The following KCNIP4 variants were observed in gnomAD, a reference collection of about 807,000 sequenced individuals.
KCNIP4 encodes the protein Kv channel-interacting protein 4.
A neutral mutation model predicts 34.0 loss-of-function variants in KCNIP4; 12 were observed. The ratio of observed to expected loss-of-function variants is 0.35; its 90% CI spans 0.23 to 0.57. KCNIP4 has a LOEUF of 0.57. Among genes scored for constraint, KCNIP4 ranks in the 20% least tolerant of loss-of-function variants. The probability of loss-of-function intolerance (pLI) is 0.83; values close to 1 mark genes in which losing one functional copy is unlikely to be tolerated. For synonymous variants in KCNIP4, 124 were observed against 102.2 expected (o/e 1.21, Z -1.29); for missense variants, 238 against 311.7 (o/e 0.76, Z 1.78).
chr4:21,391,804 C>T (rs1315495225), intron 1 of KCNIP4, among the ~76,000 whole-genome samples: 1 of 152,180 alleles, frequency 6.6e-6, no homozygotes, highest in East Asian at 1.9e-4. Flanking sequence ...TCCTTTCCCT[C>T]TTCAGCACAC....
chr4:20,827,315 G>T (rs73242508), intron 3 of KCNIP4, among the ~76,000 whole-genome samples: 10,236 of 152,186 alleles, frequency 0.067, 466 homozygotes, highest in Non-Finnish European at 0.1. Context: ...GCAAGGCATG[G>T]ACGGGATTGC....
chr4:21,294,648 T>C (rs1489386940), intron 1 of KCNIP4, among the ~76,000 whole-genome samples: 1 of 152,200 alleles, frequency 6.6e-6, no homozygotes, highest in Admixed American at 6.5e-5. Flanking sequence ...ATGATCACTC[T>C]ATTATAGATA....
intron 1 of KCNIP4, among the ~76,000 whole-genome samples, chr4:21,107,421 C>T (rs1251817357): frequency 1.1e-4 from 17 of 150,798 alleles, no homozygotes; most frequent in African/African-American, 3.5e-4. Flanking sequence ...GGATTGCAAC[C>T]CCTGCCTTTT....
intron 1 of KCNIP4, among the ~76,000 whole-genome samples, chr4:21,689,140 G>C (rs994095236): frequency 2.0e-5 from 3 of 152,054 alleles, no homozygotes; most frequent in Non-Finnish European, 4.4e-5. Context: ...ATAAATGTTG[G>C]TTGAATGAAT....
At chr4:21,633,364 T>C (rs1745897526) in intron 1 of KCNIP4, among the ~76,000 whole-genome samples, 1 of 152,134 alleles carries the variant, frequency 6.6e-6, no homozygotes, top group Non-Finnish European at 1.5e-5. Context: ...CAGTTCTAGT[T>C]GATGGGATGT....
rs1417799608 is a variant in KCNIP4, at chr4:21,112,901, A to G, written c.62-230192T>C. Among the ~76,000 whole-genome samples the G allele has an allele frequency of 2.0e-5, 3 of 151,858 alleles. 1 individual carries two copies. The highest frequency in any genetic ancestry group is 7.3e-5 in the African/African-American group (3 of 41,330). ...AGCCAGGGAGGAAAAATCCAGTCTC[A>G]TCCCACTGATATTAAGATAGCCAAC... On this transcript the variant is annotated intron_variant, in intron 1 of 8. Coordinates refer to ENST00000382152, the MANE Select transcript of KCNIP4 (RefSeq NM_025221.6).
intron 2 of KCNIP4, among the ~76,000 whole-genome samples, chr4:20,852,098 G>C (rs1412371613): frequency 6.6e-6 from 1 of 152,116 alleles, no homozygotes; most frequent in Non-Finnish European, 1.5e-5. Context: ...TAAGGAGATA[G>C]AGAAAGAAGG....
At chr4:21,009,549 A>G (rs567894677) in intron 1 of KCNIP4, among the ~76,000 whole-genome samples, 6 of 152,134 alleles carry the variant, frequency 3.9e-5, no homozygotes. Flanking sequence ...AGCCTGTCTC[A>G]TGATTTCCTT....
chr4:21,039,652 C>G (rs10049543), intron 1 of KCNIP4, among the ~76,000 whole-genome samples: 2,851 of 152,228 alleles, frequency 0.019, 93 homozygotes, highest in African/African-American at 0.065. Flanking sequence ...TGTGACAATG[C>G]AGAGTGACAT....
intron 1 of KCNIP4, among the ~76,000 whole-genome samples, chr4:21,135,133 T>C (rs1167881099): frequency 6.6e-6 from 1 of 152,206 alleles, no homozygotes; most frequent in African/African-American, 2.4e-5. Context: ...AAAATGGACA[T>C]TTTAGAAAAG....
intron 1 of KCNIP4, among the ~76,000 whole-genome samples, chr4:21,553,148 G>T (rs543235341): frequency 4.1e-4 from 44 of 107,212 alleles, no homozygotes; most frequent in African/African-American, 1.4e-3. Context: ...TAAAGGGGGG[G>T]GTCATAAAAG....
chr4:21,566,728 G>A (rs2109043037), intron 1 of KCNIP4, among the ~76,000 whole-genome samples: 1 of 152,232 alleles, frequency 6.6e-6, no homozygotes, highest in East Asian at 1.9e-4. Context: ...AGAGACATTT[G>A]GGAGTAAGAA....
At chr4:21,232,544 G>A (rs1758873643) in intron 1 of KCNIP4, among the ~76,000 whole-genome samples, 1 of 152,082 alleles carries the variant, frequency 6.6e-6, no homozygotes, top group African/African-American at 2.4e-5. Context: ...TATCAATTAT[G>A]AACAAAATAT....
rs1053734916 is a variant in KCNIP4 at position 21,384,671 on chromosome 4, C to T, written c.62-501962G>A. 1.4e-4 allele frequency among the ~76,000 whole-genome samples: 22 copies of T among 152,156 alleles called. 1 individual carries two copies. The highest frequency in any genetic ancestry group is 3.2e-3 in the Middle Eastern group (1 of 316). Reference sequence around the variant, plus strand: ...TGAATCAGAAAGGACAGAATTGATCCAGAGAATTTGCCCCAGAGAATTTGC... The same window carrying T: ...TGAATCAGAAAGGACAGAATTGATCTAGAGAATTTGCCCCAGAGAATTTGC... On this transcript the variant is annotated intron_variant, in intron 1 of 8. Transcript: ENST00000382152.
At chr4:21,283,594 T>C (rs1054717970) in intron 1 of KCNIP4, among the ~76,000 whole-genome samples, 1 of 140,812 alleles carries the variant, frequency 7.1e-6, no homozygotes, top group Non-Finnish European at 1.5e-5. Flanking sequence ...AACTAGTCCA[T>C]GTGAAAATAA....
At chr4:20,956,596 T>C (rs183855294) in intron 1 of KCNIP4, among the ~76,000 whole-genome samples, 1 of 152,086 alleles carries the variant, frequency 6.6e-6, no homozygotes, top group Admixed American at 6.6e-5. Context: ...TGTTCAAAAA[T>C]GTACTCACTG....
intron 1 of KCNIP4, among the ~76,000 whole-genome samples, chr4:21,418,970 G>A (rs929433858): frequency 6.6e-6 from 1 of 152,212 alleles, no homozygotes; most frequent in Non-Finnish European, 1.5e-5. Flanking sequence ...TCAAGGACCA[G>A]TCAAGGAATA....
intron 3 of KCNIP4, among the ~76,000 whole-genome samples, chr4:20,761,675 A>G (rs1404649657): frequency 2.0e-5 from 3 of 152,148 alleles, no homozygotes; most frequent in Non-Finnish European, 2.9e-5. Context: ...CTCTGCATCA[A>G]CAAATTTGTT....
At chr4:21,861,046 G>A (rs1725045789) in intron 1 of KCNIP4, among the ~76,000 whole-genome samples, 1 of 152,158 alleles carries the variant, frequency 6.6e-6, no homozygotes, top group African/African-American at 2.4e-5. Context: ...TGGGGCAGTT[G>A]TCAGATGTAC....
Sources: allele counts gnomAD v4.1 joint callset (sites outside exome capture counted in the v4.1 genomes callset), GRCh38; gene constraint gnomAD v4.1.1; transcripts MANE v1.5; gene names NCBI Gene and HGNC (gene_info 2026-07-23, HGNC 2026-07-21).